MPHOSPH8: variants seen among roughly 807,000 people sequenced by gnomAD.
MPHOSPH8 encodes the protein M-phase phosphoprotein, mpp.
Under a neutral mutation model 87.3 loss-of-function variants are expected in MPHOSPH8, and 45 were observed. The ratio of observed to expected loss-of-function variants is 0.52; its 90% confidence interval spans 0.41 to 0.66. The LOEUF (loss-of-function observed/expected upper bound fraction) is 0.66. Ranked by LOEUF, MPHOSPH8 falls within the 30% of genes least tolerant of loss-of-function variation. The pLI, the probability that MPHOSPH8 is intolerant of heterozygous loss-of-function variation, is 0.00. For missense variants in MPHOSPH8, 883 were observed against 1,020.2 expected (o/e 0.87, Z 1.83); for synonymous variants, 366 against 376.9 (o/e 0.97, Z 0.33).
chr13:19,633,773 A>C lies in MPHOSPH8; in HGVS notation c.25A>C (p.Arg9=). MEQVAEGA[R]VTAVPVSAAD... is the part of the protein sequence containing the mutation. ...GATGGAGCAGGTTGCGGAGGGAGCA[A>C]GGGTGACCGCAGTCCCTGTGTCAGC... The change falls in exon 1 of 14, where the codon AGG becomes CGG. Residue 9 remains arginine (R), a synonymous_variant. Coordinates refer to ENST00000361479, the MANE Select transcript of MPHOSPH8 (RefSeq NM_017520.4). 2 of 1,603,222 alleles carry C rather than the reference A, an allele frequency of 1.2e-6. No homozygotes were observed. Among genetic ancestry groups the C allele is most frequent in the Non-Finnish European group, 1.7e-6 (2 of 1,175,608 alleles).
intron 7 of MPHOSPH8, 98 bp downstream of exon 7, chr13:19,659,387 G>A: frequency 9.7e-7 from 1 of 1,028,510 alleles, no homozygotes; most frequent in Non-Finnish European, 1.4e-6. Flanking sequence ...CAAAAGGCTG[G>A]GCGTGGTGGT....
chr13:19,634,497 A>G (rs1200147608), intron 1 of MPHOSPH8, among the ~76,000 whole-genome samples: 2 of 152,194 alleles, frequency 1.3e-5, no homozygotes, highest in African/African-American at 4.8e-5. Context: ...GCTCGCAGCC[A>G]CACAGAAATA....
In MPHOSPH8 at chr13:19,659,098, T is replaced by C; in HGVS notation, c.1680T>C (p.Ala560=). 6.2e-7 allele frequency: 1 copy of C among 1,614,124 alleles called. No homozygotes were observed. The highest frequency in any genetic ancestry group is 8.5e-7 in the Non-Finnish European group (1 of 1,180,020). The change falls in exon 6 of 14, where the codon GCT becomes GCC. Residue 560 remains alanine, a synonymous_variant. Transcript: ENST00000361479. ...KHLDGKDENF[A]ATDAIPSNVL... The stretch of plus-strand genomic sequence containing the variant: ...TTGATGGGAAAGATGAGAATTTTGC[T>C]GCAACAGATGCAATTCCAAGTAGTG...
chr13:19,639,181 G>T (rs932881105), intron 1 of MPHOSPH8, among the ~76,000 whole-genome samples: 2 of 152,064 alleles, frequency 1.3e-5, no homozygotes, highest in African/African-American at 4.8e-5. Flanking sequence ...TCTTTGTTTG[G>T]ATGGCTATTT....
chr13:19,644,385 T>C (rs1874463051), intron 2 of MPHOSPH8, among the ~76,000 whole-genome samples: 1 of 152,204 alleles, frequency 6.6e-6, no homozygotes, highest in Non-Finnish European at 1.5e-5. Flanking sequence ...TCTCACCACA[T>C]CTCCCTGTTA....
intron 2 of MPHOSPH8, among the ~76,000 whole-genome samples, chr13:19,645,923 A>G (rs1874538964): frequency 6.6e-6 from 1 of 152,146 alleles, no homozygotes; most frequent in South Asian, 2.1e-4. Context: ...ATATTTTTTC[A>G]TAAGCAATAT....
At chr13:19,635,808 G>T (rs1019864134) in intron 1 of MPHOSPH8, among the ~76,000 whole-genome samples, 1 of 152,170 alleles carries the variant, frequency 6.6e-6, no homozygotes, top group Non-Finnish European at 1.5e-5. Flanking sequence ...TCCCCACCCA[G>T]AATCTCATCT....
chr13:19,665,163 A>G (rs1286707643), intron 9 of MPHOSPH8, among the ~76,000 whole-genome samples: 1 of 152,066 alleles, frequency 6.6e-6, no homozygotes, highest in Non-Finnish European at 1.5e-5. Context: ...CTGAGCGGAC[A>G]TGTAGCACTT....
intron 8 of MPHOSPH8, 94 bp downstream of exon 8, chr13:19,661,932 C>G: frequency 7.7e-7 from 1 of 1,292,296 alleles, no homozygotes; most frequent in Non-Finnish European, 1.0e-6. Flanking sequence ...ATAGCAGTCA[C>G]ATGGTCACAT....
chr13:19,644,700 A>T (rs1020251004), intron 2 of MPHOSPH8, among the ~76,000 whole-genome samples: 1 of 152,232 alleles, frequency 6.6e-6, no homozygotes, highest in African/African-American at 2.4e-5. Flanking sequence ...TTTGTTTCCT[A>T]ACAGTGTGTT....
intron 7 of MPHOSPH8, among the ~76,000 whole-genome samples, chr13:19,660,544 T>C (rs375733600): frequency 1.3e-5 from 2 of 152,184 alleles, no homozygotes; most frequent in African/African-American, 4.8e-5. Flanking sequence ...ATAATATAGA[T>C]TGAGAATTGA....
chr13:19,645,001 G>A (rs1874493036), intron 2 of MPHOSPH8, among the ~76,000 whole-genome samples: 2 of 151,974 alleles, frequency 1.3e-5, no homozygotes, highest in South Asian at 4.2e-4. Flanking sequence ...TTTTGTTTCT[G>A]TCTTCTCTGG....
chr13:19,667,317 C>T (rs1373168656), intron 10 of MPHOSPH8, among the ~76,000 whole-genome samples: 11 of 152,160 alleles, frequency 7.2e-5, no homozygotes, highest in Admixed American at 7.2e-4. Flanking sequence ...TGTCGAGATC[C>T]CAGTCACCCA....
intron 5 of MPHOSPH8, among the ~76,000 whole-genome samples, chr13:19,656,436 TA>T (rs1301418052): frequency 6.6e-6 from 1 of 152,018 alleles, no homozygotes; most frequent in African/African-American, 2.4e-5. Flanking sequence ...TATACATTTC[TA>T]CATAAATAAT....
intron 2 of MPHOSPH8, among the ~76,000 whole-genome samples, chr13:19,643,148 A>G (rs367776910): frequency 2.0e-5 from 3 of 152,196 alleles, no homozygotes; most frequent in East Asian, 3.9e-4. Context: ...TAGGGGCCAG[A>G]CCCCTAAACA....
intron 5 of MPHOSPH8, among the ~76,000 whole-genome samples, chr13:19,655,316 A>T (rs936085540): frequency 2.6e-5 from 4 of 152,118 alleles, no homozygotes; most frequent in Admixed American, 2.0e-4. Context: ...ACAAAAAATT[A>T]AAAAAGCTGG....
intron 9 of MPHOSPH8, among the ~76,000 whole-genome samples, chr13:19,665,511 C>T (rs1007066612): frequency 3.3e-5 from 5 of 151,748 alleles, no homozygotes; most frequent in East Asian, 3.9e-4. Context: ...CTGTCCTGGA[C>T]GGCGTCCCTA....
In MPHOSPH8 at chr13:19,647,258, G is replaced by C. The variant is rs144379781; in HGVS notation, c.1185G>C (p.Glu395Asp). ...AGGGCCGGAGGTTGAGCGGGGAAGAGAGAGGCCTCTGGTCCACGGACTCAG... is the reference window on the plus strand; with the variant it reads ...AGGGCCGGAGGTTGAGCGGGGAAGACAGAGGCCTCTGGTCCACGGACTCAG... ...TPKGRRLSGE[E>D]RGLWSTDSAE... Residue 395 changes from glutamate to aspartate, a missense_variant, in exon 3 of 14, where the codon GAG becomes GAC. By Grantham distance (45) the Glu-to-Asp change is conservative. Coordinates refer to ENST00000361479, the MANE Select transcript of MPHOSPH8 (RefSeq NM_017520.4). 6.2e-7 allele frequency: 1 copy of C among 1,610,144 alleles called. No homozygotes were observed. The highest frequency in any genetic ancestry group is 1.3e-5 in the African/African-American group (1 of 74,400).
Position 19,642,146 on chromosome 13 carries a change from G to C in MPHOSPH8, c.245G>C (p.Gly82Ala). ...GKVLYKVRWKGYTSDDDTWEP... is the reference protein window; with the variant it reads ...GKVLYKVRWKAYTSDDDTWEP... ...GTTCTTTACAAAGTTCGCTGGAAAG[G>C]CTATACATCGGATGATGATACCTGG... The change falls in exon 2 of 14, where the codon GGC (glycine) becomes GCC (alanine). Residue 82 changes from glycine to alanine, a missense_variant. Transcript: ENST00000361479. The C allele has an allele frequency of 6.2e-7, 1 of 1,604,870 alleles. No homozygotes were observed. The highest frequency in any genetic ancestry group is 8.5e-7 in the Non-Finnish European group (1 of 1,176,790).
Sources: allele counts gnomAD v4.1 joint callset (sites outside exome capture counted in the v4.1 genomes callset), GRCh38; gene constraint gnomAD v4.1.1; transcripts MANE v1.5; gene names NCBI Gene and HGNC (gene_info 2026-07-23, HGNC 2026-07-21).